The following PDZD2 variants were observed in gnomAD, a reference collection of about 807,000 sequenced individuals.
PDZD2 encodes the protein PDZ domain containing 2.
A neutral mutation model predicts 220.7 loss-of-function variants in PDZD2; 90 were observed. The observed-to-expected ratio is 0.41, with a 90% CI of 0.34 to 0.49. The LOEUF (loss-of-function observed/expected upper bound fraction) is 0.49. Ranked by LOEUF, PDZD2 falls within the 20% of genes least tolerant of loss-of-function variation. The probability of loss-of-function intolerance (pLI) is 0.28; values close to 1 mark genes in which losing one functional copy is unlikely to be tolerated. For synonymous variants in PDZD2, 1,375 were observed against 1,450.5 expected (o/e 0.95, Z 1.18); for missense variants, 3,174 against 3,608.5 (o/e 0.88, Z 3.08).
At chr5:31,746,450 C>T (rs892225564) in intron 1 of PDZD2, among the ~76,000 whole-genome samples, 6 of 152,006 alleles carry the variant, frequency 3.9e-5, no homozygotes, top group Non-Finnish European at 7.4e-5. Context: ...GATTGGTGTG[C>T]CAACTGTTTG....
At chr5:31,716,969 A>G (rs1447831329) in intron 1 of PDZD2, among the ~76,000 whole-genome samples, 2 of 152,076 alleles carry the variant, frequency 1.3e-5, no homozygotes, top group Non-Finnish European at 2.9e-5. Context: ...GAGAGGGGAT[A>G]GGAAGGCCTC....
intron 2 of PDZD2, among the ~76,000 whole-genome samples, chr5:31,823,554 G>A (rs1437507332): frequency 6.6e-6 from 1 of 152,100 alleles, no homozygotes; most frequent in Non-Finnish European, 1.5e-5. Context: ...CTGACCTAGA[G>A]GAAAGCAAAT....
chr5:32,008,458 T>C (rs953136897), intron 5 of PDZD2, among the ~76,000 whole-genome samples: 8 of 152,076 alleles, frequency 5.3e-5, no homozygotes, highest in South Asian at 2.1e-4. Context: ...ATTTTTGTAT[T>C]TTTAGTAGAG....
chr5:31,867,753 GTTACTGA>G (rs1738361207), intron 2 of PDZD2, among the ~76,000 whole-genome samples: 2 of 152,152 alleles, frequency 1.3e-5, no homozygotes, highest in Non-Finnish European at 2.9e-5. Flanking sequence ...GTGAATCCTA[GTTACTGA>G]GTGTTCCGCC....
chr5:32,094,714 G>T lies in PDZD2; in HGVS notation c.7845+1690G>T, dbSNP rs80184791. ...TCATCTCTCAAAAAAAAAAAAAAAA[G>T]ATTAAATTTAAAAAATTAGCCAGGC... On this transcript the variant is annotated intron_variant, in intron 21 of 24. Coordinates refer to ENST00000438447, the MANE Select transcript of PDZD2 (RefSeq NM_178140.4). 1.7e-4 allele frequency among the ~76,000 whole-genome samples: 25 copies of T among 149,530 alleles called. 1 individual carries two copies. The highest frequency in any genetic ancestry group is 3.0e-5 in the Non-Finnish European group (2 of 67,248).
chr5:32,073,785 G>A lies in PDZD2; in HGVS notation c.2726-47G>A, dbSNP rs1317823936. 2.3e-6 allele frequency: 3 copies of A among 1,286,546 alleles called. No homozygotes were observed. The African/African-American group carries it at 4.5e-5, about 19-fold the overall frequency. The allele number at this position is 1,286,546 out of a possible 1,614,324, so 79.7% of individuals were successfully genotyped here. On this transcript the variant is annotated intron_variant, in intron 17 of 24. Transcript: ENST00000438447. Reference sequence around the variant, plus strand: ...GGGTCAGATGATAAGACAGGGCCAAGTGGGAAGCTCAATTTCACTTGACTT... The same window carrying A: ...GGGTCAGATGATAAGACAGGGCCAAATGGGAAGCTCAATTTCACTTGACTT...
intron 1 of PDZD2, among the ~76,000 whole-genome samples, chr5:31,753,982 T>G (rs1751164393): frequency 6.6e-6 from 1 of 152,250 alleles, no homozygotes; most frequent in African/African-American, 2.4e-5. Context: ...CCAGGGTTAC[T>G]ATCATTATTG....
chr5:31,860,378 G>C (rs752117153), intron 2 of PDZD2, among the ~76,000 whole-genome samples: 4 of 152,144 alleles, frequency 2.6e-5, no homozygotes, highest in Non-Finnish European at 5.9e-5. Flanking sequence ...TGCTGTGCTA[G>C]GTTTTCACTT....
At chr5:31,885,629 ATCTC>A (rs1342070958) in intron 2 of PDZD2, among the ~76,000 whole-genome samples, 1 of 152,226 alleles carries the variant, frequency 6.6e-6, no homozygotes, top group Non-Finnish European at 1.5e-5. Flanking sequence ...TCTCTAAAAC[ATCTC>A]TCCCTAATCA....
chr5:31,802,093 G>A (rs749306094), intron 2 of PDZD2, among the ~76,000 whole-genome samples: 23 of 152,180 alleles, frequency 1.5e-4, no homozygotes, highest in African/African-American at 5.3e-4. Flanking sequence ...TTGAAGCTCT[G>A]AAGAAGGATC....
At chr5:31,678,465 T>C (rs1302649204) in intron 1 of PDZD2, among the ~76,000 whole-genome samples, 3 of 150,924 alleles carry the variant, frequency 2.0e-5, no homozygotes, top group African/African-American at 7.3e-5. Flanking sequence ...GGGGGACGTC[T>C]GGAGCCTGGG....
chr5:31,978,337 TAGTC>T (rs200828356), intron 2 of PDZD2, among the ~76,000 whole-genome samples: 2,856 of 152,234 alleles, frequency 0.019, 69 homozygotes, highest in African/African-American at 0.065. Flanking sequence ...ATGTATGAAA[TAGTC>T]AGAAGGGGTT....
intron 1 of PDZD2, among the ~76,000 whole-genome samples, chr5:31,709,941 G>C (rs551653799): frequency 6.6e-5 from 10 of 152,214 alleles, no homozygotes; most frequent in Non-Finnish European, 1.3e-4. Context: ...GGGCAACAGA[G>C]TGAGACTCCA....
rs200417410 is a variant in PDZD2, at chr5:31,983,330, A to G, written c.652A>G (p.Lys218Glu). Residue 218 changes from lysine (K) to glutamate (E), a missense_variant, in exon 3 of 25, where the codon AAG becomes GAG. Lys to Glu is a moderately conservative substitution (Grantham distance 56). Coordinates refer to ENST00000438447, the MANE Select transcript of PDZD2 (RefSeq NM_178140.4). ...RTAKKGKRTR[K>E]FGVISRPPAN... ...TGCGAAAAAGGGGAAACGAACCAGA[A>G]AGTTTGGGGTCATCTCCAGGCCTCC... is the stretch of plus-strand genomic sequence containing the variant. The G allele has an allele frequency of 1.5e-5, 25 of 1,614,204 alleles. No homozygotes were observed. Among genetic ancestry groups the G allele is most frequent in the Non-Finnish European group, 1.9e-5 (23 of 1,180,024 alleles).
chr5:31,985,402 T>C (rs1431508142), intron 3 of PDZD2, among the ~76,000 whole-genome samples: 1 of 152,178 alleles, frequency 6.6e-6, no homozygotes, highest in Non-Finnish European at 1.5e-5. Context: ...TGGAATGATT[T>C]TAAAACAAAG....
chr5:31,865,040 G>A (rs1438560497), intron 2 of PDZD2, among the ~76,000 whole-genome samples: 1 of 151,458 alleles, frequency 6.6e-6, no homozygotes, highest in African/African-American at 2.4e-5. Flanking sequence ...GTAGAGACGG[G>A]GTTTCACCTT....
intron 2 of PDZD2, among the ~76,000 whole-genome samples, chr5:31,935,641 T>A (rs183255067): frequency 7.5e-4 from 114 of 151,960 alleles, no homozygotes; most frequent in Non-Finnish European, 1.3e-3. Context: ...GGATGCAATT[T>A]AAAAAAAAAT....
At chr5:31,702,561 C>T (rs904906122) in intron 1 of PDZD2, among the ~76,000 whole-genome samples, 1 of 152,174 alleles carries the variant, frequency 6.6e-6, no homozygotes, top group Non-Finnish European at 1.5e-5. Flanking sequence ...TTCCCCCTAC[C>T]CTGCCTTTAA....
At chr5:31,793,036 C>T (rs976572812) in intron 1 of PDZD2, among the ~76,000 whole-genome samples, 1 of 151,542 alleles carries the variant, frequency 6.6e-6, no homozygotes, top group African/African-American at 2.4e-5. Context: ...TGGGGTTTCA[C>T]CATGTTGGCC....
Sources: allele counts gnomAD v4.1 joint callset (sites outside exome capture counted in the v4.1 genomes callset), GRCh38; gene constraint gnomAD v4.1.1; transcripts MANE v1.5; gene names NCBI Gene and HGNC (gene_info 2026-07-23, HGNC 2026-07-21).